SLC22A23: variants seen among roughly 807,000 people sequenced by gnomAD.
SLC22A23 encodes the protein solute carrier family 22 member 23, also known as ion transporter protein.
SLC22A23 carries 26 observed loss-of-function variants against 61.0 expected under a neutral mutation model. The observed-to-expected ratio is 0.43, with a 90% CI of 0.31 to 0.59. SLC22A23 has a LOEUF of 0.59. SLC22A23 is among the 20% of genes least tolerant of loss of function. The pLI is 0.11. For missense variants in SLC22A23, 796 were observed against 934.7 expected (o/e 0.85, Z 1.94); for synonymous variants, 430 against 413.9 (o/e 1.04, Z -0.47).
At chr6:3,443,081 A>T (rs931683383) in intron 1 of SLC22A23, among the ~76,000 whole-genome samples, 25 of 152,324 alleles carry the variant, frequency 1.6e-4, no homozygotes, top group Non-Finnish European at 3.4e-4. Context: ...GCCCTCAAAA[A>T]GTGTGTTTTG....
chr6:3,290,579 T>C (rs139962431), intron 5 of SLC22A23: 20 of 153,442 alleles, frequency 1.3e-4, no homozygotes, highest in African/African-American at 4.3e-4. Context: ...TATAAAGTCA[T>C]GAGACTGAGT....
chr6:3,436,660 A>G (rs1164946290), intron 1 of SLC22A23, among the ~76,000 whole-genome samples: 1 of 151,988 alleles, frequency 6.6e-6, no homozygotes, highest in Admixed American at 6.6e-5. Context: ...CTGCCAGGCT[A>G]TTTTGGCCCC....
intron 3 of SLC22A23, among the ~76,000 whole-genome samples, chr6:3,350,882 C>T (rs1764729774): frequency 6.6e-6 from 1 of 151,966 alleles, no homozygotes; most frequent in South Asian, 2.1e-4. Flanking sequence ...CACTCCCATT[C>T]TGAGGTCAAT....
intron 1 of SLC22A23, among the ~76,000 whole-genome samples, chr6:3,448,698 G>A (rs905792951): frequency 2.6e-5 from 4 of 152,102 alleles, no homozygotes; most frequent in South Asian, 2.1e-4. Flanking sequence ...GTTTCACCAC[G>A]TTGGCCAGGA....
intron 3 of SLC22A23, among the ~76,000 whole-genome samples, chr6:3,363,574 T>C (rs1382776852): frequency 6.6e-6 from 1 of 152,212 alleles, no homozygotes; most frequent in Non-Finnish European, 1.5e-5. Flanking sequence ...CTGGGCCCAG[T>C]GTGGGCACCT....
rs925143202 is a variant in SLC22A23, at chr6:3,342,234, C to A, written c.914-18232G>T. Among the ~76,000 whole-genome samples, 1 of 152,128 alleles carries A rather than the reference C, an allele frequency of 6.6e-6. No individual in the cohort carries two copies. The highest frequency in any genetic ancestry group is 2.4e-5 in the African/African-American group (1 of 41,414). On this transcript the variant is annotated intron_variant, in intron 3 of 9. Coordinates refer to ENST00000406686, the MANE Select transcript of SLC22A23 (RefSeq NM_015482.2). This position sits in a 1 kb window ranked among gnomAD's most constrained non-coding sequence, Gnocchi z 4.0. ...TGGAAGCCTCAATTTGAAATCCAGC[C>A]CAATGTGGTTTGCTGTTTTAAGGCC...
At chr6:3,310,824 C>T (rs896120321) in intron 4 of SLC22A23, among the ~76,000 whole-genome samples, 5 of 152,198 alleles carry the variant, frequency 3.3e-5, no homozygotes, top group African/African-American at 9.7e-5. Context: ...CTGTATGAGA[C>T]GCACGTCTAC....
rs922023022 is a variant in SLC22A23, at chr6:3,317,581, G to A, written c.1082+6253C>T. 4.6e-5 allele frequency among the ~76,000 whole-genome samples: 7 copies of A among 152,128 alleles called. No homozygotes were observed. The highest frequency in any genetic ancestry group is 1.9e-4 in the East Asian group (1 of 5,196). On this transcript the variant is annotated intron_variant, in intron 4 of 9. Transcript: ENST00000406686. This position sits in a 1 kb window ranked among gnomAD's most constrained non-coding sequence, Gnocchi z 4.4. Reference sequence around the variant, plus strand: ...GTTTCTTCTGGAAGAAGGATCAGTCGGTATGACTTCCTTCTAGATGAGCGC... The same window carrying A: ...GTTTCTTCTGGAAGAAGGATCAGTCAGTATGACTTCCTTCTAGATGAGCGC...
Position 3,304,952 on chromosome 6 carries a change from C to T in SLC22A23, c.1083-6734G>A, listed in dbSNP as rs1382451072. Reference sequence around the variant, plus strand: ...GAGTGTTATGGGCTCTGATGAGCAGCAGCCACGGGACTGGAGTGAACTGAA... The same window carrying T: ...GAGTGTTATGGGCTCTGATGAGCAGTAGCCACGGGACTGGAGTGAACTGAA... On this transcript the variant is annotated intron_variant, in intron 4 of 9. Transcript: ENST00000406686. This position sits in a 1 kb window ranked among gnomAD's most constrained non-coding sequence, Gnocchi z 4.3. Among the ~76,000 whole-genome samples the T allele has an allele frequency of 6.6e-6, 1 of 152,076 alleles. No homozygotes were observed. The highest frequency in any genetic ancestry group is 1.9e-4 in the East Asian group (1 of 5,184).
At chr6:3,440,591 C>T (rs1341376826) in intron 1 of SLC22A23, among the ~76,000 whole-genome samples, 1 of 151,764 alleles carries the variant, frequency 6.6e-6, no homozygotes, top group East Asian at 1.9e-4. Flanking sequence ...CCTGTAATCC[C>T]AGCTACTCGG....
intron 1 of SLC22A23, among the ~76,000 whole-genome samples, chr6:3,423,525 C>T (rs1770285011): frequency 6.6e-6 from 1 of 152,064 alleles, no homozygotes; most frequent in African/African-American, 2.4e-5. Context: ...TATTAACGGC[C>T]CTCATCAACT....
intron 3 of SLC22A23, among the ~76,000 whole-genome samples, chr6:3,378,494 A>G (rs1322569177): frequency 6.6e-6 from 1 of 152,022 alleles, no homozygotes; most frequent in Non-Finnish European, 1.5e-5. Flanking sequence ...TTCCTCTCCT[A>G]TTTTATGTGG....
chr6:3,276,330 C>T (rs1758900260), intron 9 of SLC22A23, among the ~76,000 whole-genome samples: 1 of 152,212 alleles, frequency 6.6e-6, no homozygotes, highest in South Asian at 2.1e-4. Context: ...TTCCCTTTCC[C>T]AGCTCCTTCC....
intron 3 of SLC22A23, among the ~76,000 whole-genome samples, chr6:3,337,242 T>C (rs1006660674): frequency 6.6e-6 from 1 of 152,128 alleles, no homozygotes. Flanking sequence ...GGAGGCCTGT[T>C]TGTTGGAGCA....
intron 1 of SLC22A23, among the ~76,000 whole-genome samples, chr6:3,433,108 G>C (rs192657895): frequency 5.6e-4 from 86 of 152,304 alleles, no homozygotes; most frequent in African/African-American, 1.4e-3. Flanking sequence ...AGGATAAATA[G>C]GTCTTCATCA....
intron 5 of SLC22A23, among the ~76,000 whole-genome samples, chr6:3,295,578 C>T (rs889406930): frequency 5.9e-5 from 9 of 152,092 alleles, no homozygotes; most frequent in African/African-American, 1.7e-4. Flanking sequence ...CCGGCCAGGG[C>T]GCGAGAGGGT....
At chr6:3,325,822 G>T (rs1763247224) in intron 3 of SLC22A23, among the ~76,000 whole-genome samples, 1 of 152,252 alleles carries the variant, frequency 6.6e-6, no homozygotes, top group African/African-American at 2.4e-5. Context: ...GCTAGTATCA[G>T]ATAAGGAAAT....
At chr6:3,332,421 C>A (rs1763632566) in intron 3 of SLC22A23, among the ~76,000 whole-genome samples, 1 of 152,194 alleles carries the variant, frequency 6.6e-6, no homozygotes, top group Admixed American at 6.5e-5. Context: ...GCAACTTAGT[C>A]TTTCCAAGTA....
Position 3,427,643 on chromosome 6 carries a change from TC to T in SLC22A23, c.655-11789del, listed in dbSNP as rs756747171. On this transcript the variant is annotated intron_variant, in intron 1 of 9. Transcript: ENST00000406686. This position sits in a 1 kb window ranked among gnomAD's most constrained non-coding sequence, Gnocchi z 4.3. ...GGATGCCGTGCCCTTCACTTTGACC[TC>T]CTCAGCAGCATCCTGGGAACAGCAA... is the stretch of plus-strand genomic sequence containing the variant. Among the ~76,000 whole-genome samples the T allele has an allele frequency of 6.6e-6, 1 of 151,920 alleles. No homozygotes were observed. Among genetic ancestry groups the T allele is most frequent in the African/African-American group, 2.4e-5 (1 of 41,330 alleles).
Sources: allele counts gnomAD v4.1 joint callset (sites outside exome capture counted in the v4.1 genomes callset), GRCh38; gene constraint gnomAD v4.1.1; non-coding constraint Gnocchi (gnomAD v3.1); transcripts MANE v1.5; gene names NCBI Gene and HGNC (gene_info 2026-07-23, HGNC 2026-07-21).